Variants in CDH13 observed in about 807,000 individuals in gnomAD.
The protein encoded by CDH13 is cadherin-13.
Under a neutral mutation model 63.8 loss-of-function variants are expected in CDH13, and 24 were observed. That is an observed-to-expected ratio of 0.38 (90% CI 0.27 to 0.53). The LOEUF is 0.53. CDH13 is among the 20% of genes least tolerant of loss of function. CDH13 has a pLI of 0.85. For synonymous variants in CDH13, 503 were observed against 355.3 expected (o/e 1.42, Z -4.67); for missense variants, 1,049 against 903.1 (o/e 1.16, Z -2.07).
chr16:83,158,848 G>A (rs955465727), intron 4 of CDH13, among the ~76,000 whole-genome samples: 1 of 152,200 alleles, frequency 6.6e-6, no homozygotes, highest in African/African-American at 2.4e-5. Flanking sequence ...CTTGGTACCT[G>A]GAGCCATCAA....
intron 2 of CDH13, among the ~76,000 whole-genome samples, chr16:83,022,220 A>G (rs1009187666): frequency 1.3e-5 from 2 of 152,210 alleles, no homozygotes; most frequent in African/African-American, 4.8e-5. Flanking sequence ...TCAGAAAGAC[A>G]TTGTCATGCC....
chr16:83,526,077 G>A (rs761140231), intron 7 of CDH13, among the ~76,000 whole-genome samples: 1 of 152,158 alleles, frequency 6.6e-6, no homozygotes, highest in African/African-American at 2.4e-5. Context: ...CCGTGCTGTC[G>A]TAATTTGTTA....
At chr16:83,575,306 A>C (rs570618336) in intron 7 of CDH13, among the ~76,000 whole-genome samples, 1 of 152,238 alleles carries the variant, frequency 6.6e-6, no homozygotes, top group Non-Finnish European at 1.5e-5. Context: ...ATTGTGCACT[A>C]TGTGAATTAT....
At chr16:83,398,950 A>T (rs553290941) in intron 6 of CDH13, among the ~76,000 whole-genome samples, 2 of 152,340 alleles carry the variant, frequency 1.3e-5, no homozygotes, top group African/African-American at 4.8e-5. Context: ...AATAGTCTTT[A>T]TGTTCAGTCC....
At chr16:83,376,354 C>A (rs1055723393) in intron 6 of CDH13, among the ~76,000 whole-genome samples, 2 of 152,098 alleles carry the variant, frequency 1.3e-5, no homozygotes, top group African/African-American at 2.4e-5. Context: ...AAAGGTGATA[C>A]CAGCCCTTCC....
At chr16:83,333,955 T>G (rs1341591939) in intron 5 of CDH13, among the ~76,000 whole-genome samples, 1 of 152,212 alleles carries the variant, frequency 6.6e-6, no homozygotes, top group Non-Finnish European at 1.5e-5. Context: ...CTTGCAGTTC[T>G]GTAAGCTGAG....
intron 3 of CDH13, among the ~76,000 whole-genome samples, chr16:83,079,271 T>G (rs1002668976): frequency 6.6e-6 from 1 of 152,218 alleles, no homozygotes; most frequent in Non-Finnish European, 1.5e-5. Flanking sequence ...AATATTCCAT[T>G]GTATGAACGA....
At chr16:82,660,879 G>A (rs1300797212) in intron 1 of CDH13, among the ~76,000 whole-genome samples, 2 of 152,006 alleles carry the variant, frequency 1.3e-5, no homozygotes, top group African/African-American at 4.8e-5. Context: ...AAGATGTAAA[G>A]AGCCTTTTGA....
At chr16:83,602,672 A>C in intron 8 of CDH13, 78 bp downstream of exon 8, 8 of 1,417,848 alleles carry the variant, frequency 5.6e-6, no homozygotes, top group Non-Finnish European at 8.0e-6. Flanking sequence ...CACGTACCAC[A>C]GCACCTGCTG....
At chr16:83,565,602 G>A (rs899423023) in intron 7 of CDH13, among the ~76,000 whole-genome samples, 3 of 152,032 alleles carry the variant, frequency 2.0e-5, no homozygotes, top group African/African-American at 4.8e-5. Context: ...TCTTTATGTG[G>A]TGGGTGAAGG....
chr16:83,621,733 C>T (rs978679191), intron 8 of CDH13, among the ~76,000 whole-genome samples: 4 of 151,674 alleles, frequency 2.6e-5, no homozygotes, highest in East Asian at 2.0e-4. Context: ...GTGATCCACC[C>T]GCCTCGGCCT....
At chr16:83,364,714 C>CT (rs1486691954) in intron 6 of CDH13, among the ~76,000 whole-genome samples, 53 of 152,172 alleles carry the variant, frequency 3.5e-4, no homozygotes, top group African/African-American at 1.1e-3. Context: ...GTATCAGCCA[C>CT]TGTTCTCTAG....
At chr16:83,029,058 A>G (rs1320066871) in intron 2 of CDH13, among the ~76,000 whole-genome samples, 2 of 152,126 alleles carry the variant, frequency 1.3e-5, no homozygotes, top group Non-Finnish European at 2.9e-5. Flanking sequence ...TCAAAATAGT[A>G]CTTTATTTGT....
At chr16:83,669,726 C>A (rs1598443592) in intron 8 of CDH13, among the ~76,000 whole-genome samples, 2 of 152,202 alleles carry the variant, frequency 1.3e-5, no homozygotes, top group Non-Finnish European at 2.9e-5. Context: ...CTTTTGAAAC[C>A]TCATTTCTCA....
At chr16:82,790,280 C>CA (rs1199877568) in intron 1 of CDH13, among the ~76,000 whole-genome samples, 1 of 152,022 alleles carries the variant, frequency 6.6e-6, no homozygotes, top group East Asian at 1.9e-4. Context: ...ACTAAAAACA[C>CA]AAAAATTAGC....
chr16:82,872,454 T>G (rs867906660), intron 2 of CDH13, among the ~76,000 whole-genome samples: 5 of 152,230 alleles, frequency 3.3e-5, no homozygotes, highest in African/African-American at 1.2e-4. Flanking sequence ...GAGCATCTCC[T>G]AATTTAAGGT....
chr16:83,094,854 T>C (rs2151589967), intron 3 of CDH13, among the ~76,000 whole-genome samples: 1 of 152,324 alleles, frequency 6.6e-6, no homozygotes. Flanking sequence ...CTGTTAGCTA[T>C]ATAGATACCT....
chr16:83,360,753 C>A (rs1240400074), intron 6 of CDH13, among the ~76,000 whole-genome samples: 1 of 152,128 alleles, frequency 6.6e-6, no homozygotes, highest in African/African-American at 2.4e-5. Context: ...ATAAAGGCTT[C>A]CAGCTGTATC....
intron 1 of CDH13, among the ~76,000 whole-genome samples, chr16:82,801,578 A>T (rs1031882498): frequency 2.6e-5 from 4 of 152,342 alleles, no homozygotes; most frequent in Admixed American, 6.5e-5. Flanking sequence ...TTACTACTGG[A>T]TGCTGACTCA....
Sources: gnomAD v4.1 joint callset for allele counts (sites outside exome capture counted in the v4.1 genomes callset) on GRCh38, gnomAD v4.1.1 for gene constraint, MANE v1.5 for transcripts, NCBI Gene and HGNC (gene_info 2026-07-23, HGNC 2026-07-21) for gene names.